Variants in PSAT1 observed in about 807,000 individuals in gnomAD.
PSAT1 encodes phosphoserine aminotransferase.
Under a neutral mutation model 40.3 loss-of-function variants are expected in PSAT1, and 41 were observed. That is an observed-to-expected ratio of 1.02 (90% CI 0.79 to 1.32). PSAT1 has a LOEUF of 1.32. PSAT1 is among the 40% of genes most tolerant of loss of function. The pLI is 0.00. For missense variants in PSAT1, 406 were observed against 455.8 expected (o/e 0.89, Z 0.99); for synonymous variants, 147 against 170.5 (o/e 0.86, Z 1.07).
chr9:78,298,524 C>G (rs1469619966), intron 1 of PSAT1: 1 of 765,116 alleles, frequency 1.3e-6, no homozygotes, highest in Non-Finnish European at 1.6e-6. Flanking sequence ...AGGCGAGATT[C>G]CCTGCTCCAG....
chr9:78,309,548 A>G (rs1312687761), intron 6 of PSAT1, among the ~76,000 whole-genome samples: 1 of 152,182 alleles, frequency 6.6e-6, no homozygotes, highest in Non-Finnish European at 1.5e-5. Context: ...TTTTTAGTAG[A>G]GATGGAGTTT....
Position 78,297,269 on chromosome 9 carries a change from C to A in PSAT1, c.59C>A (p.Ser20Ter). 1 of 1,600,044 alleles carries A rather than the reference C, an allele frequency of 6.2e-7. No homozygotes were observed. The highest frequency in any genetic ancestry group is 8.5e-7 in the Non-Finnish European group (1 of 1,178,036). Residue 20 changes from serine (S) to a stop codon, truncating the protein, a stop_gained and splice_region_variant, in exon 1 of 9, where the codon TCA becomes TAA. Transcript: ENST00000376588. LOFTEE classifies it high-confidence loss of function. ...FGPGPAKLPH[S>*]VLLEIQKELL... ...CCTGGTCCCGCCAAGCTGCCGCACTCAGTAAGTCCCCGCGAGCGGGCGCCG... is the reference window on the plus strand; with the variant it reads ...CCTGGTCCCGCCAAGCTGCCGCACTAAGTAAGTCCCCGCGAGCGGGCGCCG...
At chr9:78,314,036 T>C (rs1278049724) in intron 6 of PSAT1, among the ~76,000 whole-genome samples, 1 of 152,204 alleles carries the variant, frequency 6.6e-6, no homozygotes. Flanking sequence ...AGGAACCCTA[T>C]CCTGTGTGTT....
At chr9:78,314,232 A>T (rs1445466794) in intron 6 of PSAT1, among the ~76,000 whole-genome samples, 1 of 135,518 alleles carries the variant, frequency 7.4e-6, no homozygotes, top group Admixed American at 7.4e-5. Context: ...TCCTGTGTTA[A>T]GTAGAGCCAC....
At chr9:78,310,106 G>A (rs1828244566) in intron 6 of PSAT1, among the ~76,000 whole-genome samples, 1 of 152,196 alleles carries the variant, frequency 6.6e-6, no homozygotes, top group South Asian at 2.1e-4. Flanking sequence ...AGACACAAGG[G>A]AAGAGCTGGA....
At chr9:78,328,633 C>G (rs2118716751) in intron 8 of PSAT1, among the ~76,000 whole-genome samples, 1 of 151,206 alleles carries the variant, frequency 6.6e-6, no homozygotes, top group Admixed American at 6.6e-5. Flanking sequence ...AATAGCCCAG[C>G]CCCGATCTTG....
chr9:78,322,096 A>G (rs1277505814), intron 7 of PSAT1, among the ~76,000 whole-genome samples: 1 of 150,430 alleles, frequency 6.6e-6, no homozygotes, highest in African/African-American at 2.4e-5. Context: ...CCTGACACAC[A>G]GTGCTTATAT....
chr9:78,321,685 T>C (rs945899686), intron 7 of PSAT1, among the ~76,000 whole-genome samples: 1 of 152,142 alleles, frequency 6.6e-6, no homozygotes, highest in African/African-American at 2.4e-5. Flanking sequence ...TCCAAGTTGA[T>C]TCCATAGCCC....
At chr9:78,314,782 G>A (rs896618384) in intron 6 of PSAT1, among the ~76,000 whole-genome samples, 5 of 151,958 alleles carry the variant, frequency 3.3e-5, no homozygotes, top group South Asian at 4.2e-4. Flanking sequence ...TGGCTAGGAC[G>A]GTGGACCTGA....
intron 7 of PSAT1, among the ~76,000 whole-genome samples, chr9:78,326,955 A>ATATATTTTTTTTTTT: frequency 1.1e-3 from 87 of 75,920 alleles, no homozygotes; most frequent in East Asian, 5.9e-3. Flanking sequence ...ATATATATAT[A>ATATATTTTTTTTTTT]TTTTTTTTTT....
At chr9:78,303,086 C>A (rs1009387140) in intron 3 of PSAT1, among the ~76,000 whole-genome samples, 2 of 152,092 alleles carry the variant, frequency 1.3e-5, no homozygotes, top group African/African-American at 4.8e-5. Flanking sequence ...TAGCTCACAA[C>A]TAAACTGAAA....
chr9:78,305,522 G>A (rs1472743257), intron 4 of PSAT1, among the ~76,000 whole-genome samples: 1 of 152,168 alleles, frequency 6.6e-6, no homozygotes, highest in Non-Finnish European at 1.5e-5. Flanking sequence ...GCTTGATCAG[G>A]GGCCCCAACA....
chr9:78,308,510 G>A lies in PSAT1; in HGVS notation c.667G>A (p.Glu223Lys). Residue 223 changes from glutamate to lysine, a missense_variant, in exon 6 of 9, where the codon GAG becomes AAG. Glu to Lys is a moderately conservative substitution (Grantham distance 56, BLOSUM62 1). Transcript: ENST00000376588. ...RDDLLGFALR[E>K]CPSVLEYKVQ... ...TGACCTGCTGGGGTTTGCCCTCCGA[G>A]AGTGCCCCTCGGTCCTGGAATACAA... 1 of 1,614,066 alleles carries A rather than the reference G, an allele frequency of 6.2e-7. No homozygotes were observed. Among genetic ancestry groups the A allele is most frequent in the Non-Finnish European group, 8.5e-7 (1 of 1,179,998 alleles).
chr9:78,297,300 G>A, intron 1 of PSAT1, 30 bp downstream of exon 1: 3 of 1,582,740 alleles, frequency 1.9e-6, no homozygotes, highest in Non-Finnish European at 2.6e-6. Flanking sequence ...CGCCGGGAGT[G>A]AGGTTCAGGC....
intron 7 of PSAT1, among the ~76,000 whole-genome samples, chr9:78,320,264 T>G (rs1402490393): frequency 6.7e-6 from 1 of 150,154 alleles, no homozygotes; most frequent in African/African-American, 2.5e-5. Flanking sequence ...TGTCCACCCA[T>G]TCATCCATCC....
At chr9:78,318,099 G>A (rs538104509) in intron 7 of PSAT1, among the ~76,000 whole-genome samples, 9 of 152,254 alleles carry the variant, frequency 5.9e-5, no homozygotes, top group African/African-American at 1.4e-4. Context: ...GGTAGGTCCC[G>A]TCTACTCCCT....
At chr9:78,320,831 G>A (rs1828419429) in intron 7 of PSAT1, among the ~76,000 whole-genome samples, 1 of 152,152 alleles carries the variant, frequency 6.6e-6, no homozygotes, top group Non-Finnish European at 1.5e-5. Context: ...AAAAGCACTT[G>A]GTGGGTATAG....
intron 7 of PSAT1, among the ~76,000 whole-genome samples, chr9:78,322,642 AG>A (rs1242189767): frequency 2.6e-5 from 4 of 152,216 alleles, no homozygotes; most frequent in Non-Finnish European, 4.4e-5. Flanking sequence ...TTAAACATAA[AG>A]GTTACTATCC....
intron 6 of PSAT1, among the ~76,000 whole-genome samples, chr9:78,310,685 G>A (rs1053466050): frequency 4.0e-5 from 6 of 151,210 alleles, no homozygotes; most frequent in African/African-American, 1.2e-4. Flanking sequence ...ATCTCAGCTC[G>A]CTGCAACCTC....
Sources: gnomAD v4.1 joint callset for allele counts (sites outside exome capture counted in the v4.1 genomes callset) on GRCh38, gnomAD v4.1.1 for gene constraint, MANE v1.5 for transcripts, NCBI Gene and HGNC (gene_info 2026-07-23, HGNC 2026-07-21) for gene names.